SHANK2: variants seen among roughly 807,000 people sequenced by gnomAD.
The protein encoded by SHANK2 is SH3 and multiple ankyrin repeat domains protein 2.
Under a neutral mutation model 133.7 loss-of-function variants are expected in SHANK2, and 43 were observed. The ratio of observed to expected loss-of-function variants is 0.32; its 90% confidence interval spans 0.25 to 0.41. SHANK2 has a LOEUF of 0.41. Ranked by LOEUF, SHANK2 falls within the 10% of genes least tolerant of loss-of-function variation. The pLI is 1.00. For synonymous variants in SHANK2, 1,017 were observed against 952.8 expected, an observed-to-expected ratio of 1.07 and a Z score of -1.24; for missense variants, 1,994 against 2,235.8, an observed-to-expected ratio of 0.89 and a Z score of 2.18.
At chr11:70,778,471 G>C (rs1193346999) in intron 14 of SHANK2, among the ~76,000 whole-genome samples, 1 of 152,202 alleles carries the variant, frequency 6.6e-6, no homozygotes, top group Non-Finnish European at 1.5e-5. Flanking sequence ...GACCCCCTCA[G>C]TGTGACTGGA....
intron 2 of SHANK2, among the ~76,000 whole-genome samples, chr11:71,170,835 A>G (rs10897700): frequency 0.51 from 77,896 of 152,102 alleles, 20,286 homozygotes; most frequent in South Asian, 0.66. Context: ...ATATCAAATC[A>G]CGAGAGCTTT....
At chr11:71,168,389 C>T (rs1201673836) in intron 2 of SHANK2, among the ~76,000 whole-genome samples, 3 of 149,906 alleles carry the variant, frequency 2.0e-5, no homozygotes, top group East Asian at 2.0e-4. Context: ...GATGGGCGGC[C>T]GGGCAGAGAC....
chr11:70,722,500 T>C (rs891325320), intron 14 of SHANK2, among the ~76,000 whole-genome samples: 4 of 152,246 alleles, frequency 2.6e-5, no homozygotes, highest in South Asian at 4.1e-4. Flanking sequence ...AATACCTACA[T>C]AGGCGATTGT....
At chr11:70,763,609 A>G (rs532917318) in intron 14 of SHANK2, among the ~76,000 whole-genome samples, 6 of 152,316 alleles carry the variant, frequency 3.9e-5, no homozygotes, top group African/African-American at 1.4e-4. Flanking sequence ...TTTCGGGCCA[A>G]CAGCACCCAC....
intron 1 of SHANK2, among the ~76,000 whole-genome samples, chr11:71,232,192 A>C (rs1469217984): frequency 6.6e-6 from 1 of 152,200 alleles, no homozygotes; most frequent in Non-Finnish European, 1.5e-5. Flanking sequence ...GAGATGGAGA[A>C]CAGATGAGTG....
chr11:70,737,816 C>T (rs782081718), intron 14 of SHANK2, among the ~76,000 whole-genome samples: 2 of 152,256 alleles, frequency 1.3e-5, no homozygotes, highest in Non-Finnish European at 2.9e-5. Flanking sequence ...GTTTTCCCTG[C>T]ACACAGATGG....
At chr11:70,930,567 T>G (rs1261973742) in intron 10 of SHANK2, among the ~76,000 whole-genome samples, 1 of 152,096 alleles carries the variant, frequency 6.6e-6, no homozygotes, top group Admixed American at 6.5e-5. Flanking sequence ...TAAGCCACTC[T>G]CAAGTCACTG....
chr11:70,487,254 C>T lies in SHANK2; in HGVS notation c.3039G>A (p.Leu1013=). The T allele has an allele frequency of 1.2e-6, 2 of 1,614,228 alleles. No individual in the cohort carries two copies. Among genetic ancestry groups the T allele is most frequent in the Non-Finnish European group, 8.5e-7 (1 of 1,180,054 alleles). Residue 1013 remains leucine (L), a synonymous_variant, in exon 25 of 26, where the codon CTG becomes CTA. Coordinates refer to ENST00000601538, the MANE Select transcript of SHANK2 (RefSeq NM_012309.5). The surrounding 1 kb of genome is among the most constrained non-coding windows in gnomAD (Gnocchi z 5.8). ...PAKPARRKGM[L]VKQSNVEDSP... is the part of the protein sequence containing the mutation. ...TGTCCTCCACGTTGGACTGCTTCAC[C>T]AGCATCCCCTTCCGCCTGGCGGGCT...
intron 20 of SHANK2, among the ~76,000 whole-genome samples, chr11:70,501,485 T>C (rs1424769076): frequency 6.6e-6 from 1 of 152,188 alleles, no homozygotes; most frequent in Admixed American, 6.5e-5. Flanking sequence ...CAGCTCCAAT[T>C]TGTGCTCCAG....
intron 10 of SHANK2, chr11:70,952,658 C>G: frequency 3.2e-6 from 1 of 310,134 alleles, no homozygotes; most frequent in Non-Finnish European, 7.1e-6. Flanking sequence ...GAGACGCACC[C>G]AAGCTGCTGA....
intron 17 of SHANK2, among the ~76,000 whole-genome samples, chr11:70,504,296 G>A (rs2059103803): frequency 1.6e-5 from 2 of 127,706 alleles, no homozygotes; most frequent in South Asian, 5.6e-4. Context: ...ATCCCTGTAA[G>A]AGCTGGATAG....
chr11:70,649,546 G>A (rs1370871687), intron 17 of SHANK2, among the ~76,000 whole-genome samples: 1 of 152,128 alleles, frequency 6.6e-6, no homozygotes, highest in Non-Finnish European at 1.5e-5. Flanking sequence ...CTTGTATCAT[G>A]AAACTCCCCA....
In SHANK2 at chr11:70,663,035, A is replaced by G. The variant is rs115612085; in HGVS notation, c.1854-1357T>C. 2.6e-3 allele frequency among the ~76,000 whole-genome samples: 388 copies of G among 152,146 alleles called. 2 individuals are homozygous for G. The highest frequency in any genetic ancestry group is 9.1e-3 in the African/African-American group (378 of 41,526). ...GGAGGCAGCGTGGAGGGAGGCCTCTACAGGGTCTTGCGGGGCTGTGTGTGA... is the reference window on the plus strand; with the variant it reads ...GGAGGCAGCGTGGAGGGAGGCCTCTGCAGGGTCTTGCGGGGCTGTGTGTGA... On this transcript the variant is annotated intron_variant, in intron 15 of 25. Transcript: ENST00000601538.
At chr11:70,824,075 G>A (rs987343799) in intron 11 of SHANK2, among the ~76,000 whole-genome samples, 1 of 150,034 alleles carries the variant, frequency 6.7e-6, no homozygotes. Context: ...CAGGACAGAG[G>A]TGGCGTTGAT....
chr11:70,701,757 C>T (rs970917578), intron 14 of SHANK2, among the ~76,000 whole-genome samples: 18 of 152,158 alleles, frequency 1.2e-4, no homozygotes, highest in African/African-American at 3.9e-4. Flanking sequence ...TGCAGGAATC[C>T]CCCTGCACAG....
chr11:71,186,426 A>G (rs1284512336), intron 2 of SHANK2, among the ~76,000 whole-genome samples: 1 of 152,208 alleles, frequency 6.6e-6, no homozygotes, highest in Non-Finnish European at 1.5e-5. Flanking sequence ...CCAGGAGTCC[A>G]TGTTGGAGAC....
At chr11:70,823,415 A>T (rs1229727232) in intron 11 of SHANK2, among the ~76,000 whole-genome samples, 1 of 106,288 alleles carries the variant, frequency 9.4e-6, no homozygotes, top group Non-Finnish European at 1.9e-5. Flanking sequence ...GCGTTGGCAG[A>T]ACTCGGGGGA....
chr11:70,760,152 C>T (rs538055106), intron 14 of SHANK2, among the ~76,000 whole-genome samples: 57 of 152,338 alleles, frequency 3.7e-4, no homozygotes, highest in East Asian at 7.7e-4. Context: ...GCATGTAACA[C>T]GCATGTGTGC....
chr11:71,223,268 G>A (rs1195862990), intron 2 of SHANK2, among the ~76,000 whole-genome samples: 2 of 152,214 alleles, frequency 1.3e-5, no homozygotes, highest in South Asian at 2.1e-4. Flanking sequence ...CCTGCCTGCC[G>A]CGTTTAGGAC....
Sources: gnomAD v4.1 joint callset for allele counts (sites outside exome capture counted in the v4.1 genomes callset) on GRCh38, gnomAD v4.1.1 for gene constraint, Gnocchi (gnomAD v3.1) non-coding constraint, MANE v1.5 for transcripts, NCBI Gene and HGNC (gene_info 2026-07-23, HGNC 2026-07-21) for gene names.